The following CFTR variants were observed in gnomAD, a reference collection of about 807,000 sequenced individuals.
CFTR encodes CF transmembrane conductance regulator.
Under a neutral mutation model 171.6 loss-of-function variants are expected in CFTR, and 181 were observed. That is an observed-to-expected ratio of 1.05 (90% confidence interval 0.93 to 1.19). The LOEUF (loss-of-function observed/expected upper bound fraction) is 1.19. Ranked by LOEUF, CFTR falls within the 50% of genes most tolerant of loss-of-function variation. The pLI is 0.00. For missense variants in CFTR, 1,968 were observed against 1,734.7 expected (o/e 1.13, Z -2.39); for synonymous variants, 583 against 608.0 (o/e 0.96, Z 0.60).
Position 117,548,774 on chromosome 7 carries a change from TAGAA to T in CFTR, c.1347_1350del (p.Arg450AspfsTer18), listed in dbSNP as rs1562895104. 2 of 1,612,654 alleles carry T rather than the reference TAGAA, an allele frequency of 1.2e-6. No individual in the cohort carries two copies. Among genetic ancestry groups the T allele is most frequent in the African/African-American group, 2.7e-5 (2 of 74,890 alleles). Reference sequence around the variant, plus strand: ...GTCCTGAAAGATATTAATTTCAAGATAGAAAGAGGACAGTTGTTGGCGGTTGCTG... The same window carrying T: ...GTCCTGAAAGATATTAATTTCAAGATAGAGGACAGTTGTTGGCGGTTGCTG... On this transcript the variant is annotated frameshift_variant, in exon 10 of 27. Transcript: ENST00000003084. LOFTEE classifies it high-confidence loss of function.
At chr7:117,480,254 T>C in intron 1 of CFTR, 107 bp downstream of exon 1, 1 of 949,006 alleles carries the variant, frequency 1.1e-6, no homozygotes. Flanking sequence ...TTTAAAAAGA[T>C]GCGCTATCAT....
At chr7:117,574,716 C>T (rs899251978) in intron 11 of CFTR, among the ~76,000 whole-genome samples, 2 of 152,078 alleles carry the variant, frequency 1.3e-5, no homozygotes, top group Non-Finnish European at 2.9e-5. Context: ...TTTAGACAAT[C>T]GCTATTATGA....
chr7:117,555,454 G>A (rs192992975), intron 10 of CFTR, among the ~76,000 whole-genome samples: 22 of 152,238 alleles, frequency 1.4e-4, no homozygotes, highest in East Asian at 1.2e-3. Flanking sequence ...AAAACACCAC[G>A]TGATGCTAAT....
chr7:117,567,672 G>T (rs1017571017), intron 11 of CFTR, among the ~76,000 whole-genome samples: 1 of 152,168 alleles, frequency 6.6e-6, no homozygotes, highest in African/African-American at 2.4e-5. Context: ...ATGAGTTTAT[G>T]ATTTACAGAT....
In CFTR at chr7:117,646,235, G is replaced by A. The variant is rs1399281282; in HGVS notation, c.3873+3642G>A. ...GCACATAGTAAGTACAATATGCTGT[G>A]CTGTGGTGGTTGTTATTATTTTTTA... is the stretch of plus-strand genomic sequence containing the variant. On this transcript the variant is annotated intron_variant, in intron 23 of 26. Transcript: ENST00000003084. 2.0e-5 allele frequency among the ~76,000 whole-genome samples: 3 copies of A among 152,140 alleles called. No individual in the cohort carries two copies. The East Asian group carries it at 5.8e-4, about 29-fold the overall frequency.
intron 11 of CFTR, among the ~76,000 whole-genome samples, chr7:117,585,277 C>T (rs1276768123): frequency 6.6e-6 from 1 of 151,840 alleles, no homozygotes; most frequent in Non-Finnish European, 1.5e-5. Context: ...TGTCTCTTTT[C>T]CTTCTTTCCA....
intron 26 of CFTR, among the ~76,000 whole-genome samples, chr7:117,666,462 T>C (rs1169574584): frequency 6.6e-6 from 1 of 152,178 alleles, no homozygotes; most frequent in Non-Finnish European, 1.5e-5. Context: ...AGTCCTCTAT[T>C]GTCTGATCTT....
intron 12 of CFTR, among the ~76,000 whole-genome samples, chr7:117,589,439 T>C (rs560627132): frequency 6.6e-6 from 1 of 152,138 alleles, no homozygotes; most frequent in Non-Finnish European, 1.5e-5. Flanking sequence ...ATTACATGTA[T>C]AAACAGAGAA....
intron 2 of CFTR, among the ~76,000 whole-genome samples, chr7:117,506,955 A>G (rs942592451): frequency 6.6e-6 from 1 of 152,196 alleles, no homozygotes; most frequent in African/African-American, 2.4e-5. Context: ...TTCACATTTC[A>G]TAACTGCCTT....
At chr7:117,568,621 GACA>G (rs1371284579) in intron 11 of CFTR, among the ~76,000 whole-genome samples, 1 of 151,870 alleles carries the variant, frequency 6.6e-6, no homozygotes, top group African/African-American at 2.4e-5. Context: ...AGGTATAATG[GACA>G]ACAATTGTAG....
rs201864483 is a variant in CFTR at position 117,603,558 on chromosome 7, G to A, written c.2684G>A (p.Ser895Asn). The A allele has an allele frequency of 7.3e-5, 118 of 1,613,960 alleles. No homozygotes were observed. The East Asian group carries it at 2.4e-3, about 33-fold the overall frequency. Reference sequence around the variant, plus strand: ...ACTCCTCTTCAAGACAAAGGGAATAGTACTCATAGTAGAAATAACAGCTAT... The same window carrying A: ...ACTCCTCTTCAAGACAAAGGGAATAATACTCATAGTAGAAATAACAGCTAT... ...GNTPLQDKGN[S>N]THSRNNSYAV... The change falls in exon 17 of 27, where the codon AGT becomes AAT. Residue 895 changes from serine to asparagine, a missense_variant. Transcript: ENST00000003084.
chr7:117,629,309 ATTTAG>A (rs1194424614), intron 22 of CFTR, among the ~76,000 whole-genome samples: 2 of 152,208 alleles, frequency 1.3e-5, no homozygotes, highest in African/African-American at 2.4e-5. Context: ...ATGACAACAA[ATTTAG>A]TTTAAAGACC....
At chr7:117,542,227 A>G (rs1269980143) in intron 9 of CFTR, 119 bp downstream of exon 9, 2 of 678,390 alleles carry the variant, frequency 2.9e-6, no homozygotes, top group African/African-American at 3.6e-5. Context: ...TAGAACTGGA[A>G]GGAGGATCAC....
intron 10 of CFTR, among the ~76,000 whole-genome samples, 188 bp downstream of exon 10, chr7:117,549,011 C>T (rs2115904613): frequency 6.6e-6 from 1 of 152,358 alleles, no homozygotes; most frequent in Admixed American, 6.5e-5. Flanking sequence ...TTTATTTCCT[C>T]ATATTATTTT....
chr7:117,635,503 A>G (rs1403945075), intron 22 of CFTR, among the ~76,000 whole-genome samples: 1 of 151,986 alleles, frequency 6.6e-6, no homozygotes, highest in Non-Finnish European at 1.5e-5. Context: ...TGTCTGTTAC[A>G]CTACTTGTTC....
chr7:117,483,240 A>G (rs1410942483), intron 1 of CFTR, among the ~76,000 whole-genome samples: 1 of 152,228 alleles, frequency 6.6e-6, no homozygotes. Context: ...TTTGCCTTTG[A>G]TCAAAATAAT....
intron 21 of CFTR, among the ~76,000 whole-genome samples, chr7:117,622,761 C>G (rs1792602201): frequency 6.6e-6 from 1 of 152,112 alleles, no homozygotes; most frequent in Non-Finnish European, 1.5e-5. Context: ...GGAGAGGAGT[C>G]TGGCTTCTTG....
intron 7 of CFTR, 62 bp downstream of exon 7, chr7:117,536,735 G>A: frequency 7.3e-7 from 1 of 1,361,232 alleles, no homozygotes; most frequent in Non-Finnish European, 1.0e-6. Context: ...TTAAAAATAT[G>A]TTTATCATGG....
At chr7:117,535,852 A>G (rs1798946223) in intron 6 of CFTR, among the ~76,000 whole-genome samples, 1 of 152,124 alleles carries the variant, frequency 6.6e-6, no homozygotes, top group Non-Finnish European at 1.5e-5. Context: ...ACTTTTTAAG[A>G]TGGTGTAAAT....
Sources: gnomAD v4.1 joint callset for allele counts (sites outside exome capture counted in the v4.1 genomes callset) on GRCh38, gnomAD v4.1.1 for gene constraint, MANE v1.5 for transcripts, NCBI Gene and HGNC (gene_info 2026-07-23, HGNC 2026-07-21) for gene names.